The following MEGF9 variants were observed in gnomAD, a reference collection of about 807,000 sequenced individuals.
MEGF9 encodes multiple EGF like domains 9.
In MEGF9, 6 loss-of-function variants were observed where a neutral mutation model predicts 46.8. The ratio of observed to expected loss-of-function variants is 0.13; its 90% CI spans 0.07 to 0.25. The LOEUF is 0.25. Ranked by LOEUF, MEGF9 falls within the 10% of genes least tolerant of loss-of-function variation. The probability of loss-of-function intolerance (pLI) is 1.00; values close to 1 mark genes in which losing one functional copy is unlikely to be tolerated. For missense variants in MEGF9, 683 were observed against 792.4 expected (o/e 0.86, Z 1.66); for synonymous variants, 302 against 330.7 (o/e 0.91, Z 0.94).
chr9:120,663,018 C>G (rs980944510), intron 1 of MEGF9, among the ~76,000 whole-genome samples: 1 of 152,092 alleles, frequency 6.6e-6, no homozygotes, highest in Non-Finnish European at 1.5e-5. Flanking sequence ...GAAAAATGAG[C>G]ATTTATTAAT....
intron 2 of MEGF9, among the ~76,000 whole-genome samples, chr9:120,650,909 C>CT (rs2043646685): frequency 6.6e-6 from 1 of 152,006 alleles, no homozygotes; most frequent in African/African-American, 2.4e-5. Flanking sequence ...GAAAGCCTTT[C>CT]CTATTACACT....
chr9:120,679,390 C>G (rs112550712), intron 1 of MEGF9, among the ~76,000 whole-genome samples: 2 of 150,132 alleles, frequency 1.3e-5, no homozygotes, highest in African/African-American at 4.9e-5. Context: ...AACCAAACAC[C>G]GCATGTTCTC....
intron 1 of MEGF9, among the ~76,000 whole-genome samples, chr9:120,675,077 T>G (rs1310292026): frequency 6.6e-6 from 1 of 152,040 alleles, no homozygotes; most frequent in Non-Finnish European, 1.5e-5. Flanking sequence ...ACCTACCATA[T>G]GACCCAATAA....
At chr9:120,617,888 A>T (rs2043479218) in intron 3 of MEGF9, among the ~76,000 whole-genome samples, 1 of 152,226 alleles carries the variant, frequency 6.6e-6, no homozygotes, top group South Asian at 2.1e-4. Flanking sequence ...TTGCAGTAAT[A>T]AAAAGGAGCA....
chr9:120,686,749 T>G (rs756517131), intron 1 of MEGF9, among the ~76,000 whole-genome samples: 3 of 152,220 alleles, frequency 2.0e-5, no homozygotes, highest in Non-Finnish European at 2.9e-5. Flanking sequence ...CACTTTGCTG[T>G]GAGCCTCAGC....
chr9:120,643,059 A>G (rs529855940), intron 2 of MEGF9, among the ~76,000 whole-genome samples: 5 of 152,342 alleles, frequency 3.3e-5, no homozygotes, highest in Middle Eastern at 3.4e-3. Context: ...TCATGGCTGA[A>G]GCATTTGTGT....
chr9:120,605,115 G>A lies in MEGF9; in HGVS notation c.*75C>T. ...TTGCTTTCTCAGCAAACTCTAGCCAGGCTTTGTCTGGCCCAGGGGCTGACT... is the reference window on the plus strand; with the variant it reads ...TTGCTTTCTCAGCAAACTCTAGCCAAGCTTTGTCTGGCCCAGGGGCTGACT... On this transcript the variant is annotated 3_prime_UTR_variant, in exon 6 of 6. Transcript: ENST00000373930. The surrounding 1 kb of genome is among the most constrained non-coding windows in gnomAD (Gnocchi z 4.0). 6.9e-7 allele frequency: 1 copy of A among 1,446,002 alleles called. No homozygotes were observed. Among genetic ancestry groups the A allele is most frequent in the South Asian group, 1.4e-5 (1 of 73,866 alleles). The allele number at this position is 1,446,002 out of a possible 1,614,324, so 89.6% of individuals were successfully genotyped here.
intron 2 of MEGF9, among the ~76,000 whole-genome samples, chr9:120,657,805 C>G (rs1377058006): frequency 6.6e-6 from 1 of 152,108 alleles, no homozygotes; most frequent in Non-Finnish European, 1.5e-5. Flanking sequence ...AGACACTGGA[C>G]TTGGAATTGA....
intron 1 of MEGF9, 138 bp downstream of exon 1, chr9:120,713,620 C>T: frequency 8.5e-7 from 1 of 1,178,442 alleles, no homozygotes; most frequent in Non-Finnish European, 1.1e-6. Context: ...ACTAGCTGGA[C>T]CTGGGATCCC....
chr9:120,664,360 T>G (rs985223070), intron 1 of MEGF9, among the ~76,000 whole-genome samples: 2 of 152,344 alleles, frequency 1.3e-5, no homozygotes, highest in South Asian at 4.1e-4. Context: ...TCTCTGTGTC[T>G]CTTTTTGAAG....
At chr9:120,705,122 A>AT (rs1008016954) in intron 1 of MEGF9, among the ~76,000 whole-genome samples, 4 of 151,808 alleles carry the variant, frequency 2.6e-5, no homozygotes, top group Non-Finnish European at 4.4e-5. Flanking sequence ...TCTTTTCTCC[A>AT]TTTTTTTTCA....
At chr9:120,704,313 G>A (rs1057218812) in intron 1 of MEGF9, among the ~76,000 whole-genome samples, 7 of 151,056 alleles carry the variant, frequency 4.6e-5, no homozygotes, top group South Asian at 2.1e-4. Flanking sequence ...CAGCCTGGGC[G>A]ACAGAGCGAG....
intron 1 of MEGF9, among the ~76,000 whole-genome samples, chr9:120,671,819 G>C (rs1158419949): frequency 6.6e-6 from 1 of 152,102 alleles, no homozygotes; most frequent in Non-Finnish European, 1.5e-5. Flanking sequence ...GAAAACTACA[G>C]AACAATATTC....
intron 1 of MEGF9, among the ~76,000 whole-genome samples, chr9:120,661,855 T>C (rs2043703792): frequency 6.6e-6 from 1 of 152,194 alleles, no homozygotes; most frequent in South Asian, 2.1e-4. Context: ...CCACCAGAAA[T>C]GACCAGAACA....
intron 2 of MEGF9, among the ~76,000 whole-genome samples, chr9:120,629,826 G>A (rs10760108): frequency 0.99 from 151,287 of 152,084 alleles, 75,248 homozygotes; most frequent in Middle Eastern, 1. Context: ...CCAGCTACTC[G>A]GGAGGCTGAG....
intron 3 of MEGF9, among the ~76,000 whole-genome samples, chr9:120,613,718 A>C (rs1470601998): frequency 6.6e-6 from 1 of 152,234 alleles, no homozygotes; most frequent in Admixed American, 6.5e-5. Context: ...CATAATTTAC[A>C]TTCCTTCCTT....
rs2043452192 is a variant in MEGF9 at position 120,612,481 on chromosome 9, T to G, written c.1002A>C (p.Glu334Asp). 2 of 1,612,978 alleles carry G rather than the reference T, an allele frequency of 1.2e-6. No individual in the cohort carries two copies. Among genetic ancestry groups the G allele is most frequent in the Non-Finnish European group, 8.5e-7 (1 of 1,179,208 alleles). The change falls in exon 4 of 6, where the codon GAA (glutamate) becomes GAC (aspartate). Residue 334 changes from glutamate to aspartate, a missense_variant. This residue lies in a region of MEGF9 where 313 missense variants were observed against 421.1 expected (regional missense o/e 0.74). Coordinates refer to ENST00000373930, the MANE Select transcript of MEGF9 (RefSeq NM_001080497.3). ...SKGNHCEECK[E>D]GFYQSPDATK... ...TGGCATCAGGACTCTGATAAAATCC[T>G]TCTTTACATTCTTCACAGTGATTTC...
chr9:120,681,672 G>C (rs2043799220), intron 1 of MEGF9, among the ~76,000 whole-genome samples: 1 of 151,858 alleles, frequency 6.6e-6, no homozygotes, highest in Non-Finnish European at 1.5e-5. Context: ...AGGCTTAAGA[G>C]TATTCTATCC....
At chr9:120,683,428 G>A (rs750692281) in intron 1 of MEGF9, among the ~76,000 whole-genome samples, 2 of 152,154 alleles carry the variant, frequency 1.3e-5, no homozygotes, top group Non-Finnish European at 2.9e-5. Context: ...GGATCACAGG[G>A]GCAGTTTCCC....
Sources: gnomAD v4.1 joint callset for allele counts (sites outside exome capture counted in the v4.1 genomes callset) on GRCh38, gnomAD v4.1.1 for gene constraint, gnomAD v4.1.1 regional missense constraint, Gnocchi (gnomAD v3.1) non-coding constraint, MANE v1.5 for transcripts, NCBI Gene and HGNC (gene_info 2026-07-23, HGNC 2026-07-21) for gene names.